USPL1: variants seen among roughly 807,000 people sequenced by gnomAD.
USPL1 encodes ubiquitin specific peptidase like 1.
USPL1 carries 27 observed loss-of-function variants against 51.5 expected under a neutral mutation model. The ratio of observed to expected loss-of-function variants is 0.52; its 90% CI spans 0.39 to 0.72. The LOEUF is 0.72. Among genes scored for constraint, USPL1 ranks in the 30% least tolerant of loss-of-function variants. USPL1 has a pLI of 0.00. For missense variants in USPL1, 1,226 were observed against 1,268.0 expected (o/e 0.97, Z 0.50); for synonymous variants, 451 against 459.6 (o/e 0.98, Z 0.24).
intron 4 of USPL1, among the ~76,000 whole-genome samples, chr13:30,634,687 C>T (rs1030865465): frequency 2.6e-5 from 4 of 152,134 alleles, no homozygotes; most frequent in African/African-American, 9.7e-5. Flanking sequence ...TCTCCTGGGG[C>T]ACAGTATGAG....
chr13:30,627,232 A>G (rs1210114694), intron 3 of USPL1, among the ~76,000 whole-genome samples: 1 of 152,204 alleles, frequency 6.6e-6, no homozygotes, highest in Non-Finnish European at 1.5e-5. Flanking sequence ...TAGTTATAAA[A>G]ATGATACATG....
At position 30,647,176 on chromosome 13, in the gene USPL1, A is replaced by G; in HGVS notation, c.1238+119A>G. 4 of 1,194,124 alleles carry G rather than the reference A, an allele frequency of 3.3e-6. No homozygotes were observed. In the South Asian group the frequency reaches 4.4e-5, roughly 13 times the overall value. The allele number at this position is 1,194,124 out of a possible 1,614,324, so 74.0% of individuals were successfully genotyped here. A position where few individuals can be genotyped will look rare whatever the true frequency, so the allele number is the denominator to read the frequency against. ...ACCTTTCTGAAATTTGAGTTAACAT[A>G]TATTTCTGGGTTGCCAGCTGCCTCG... is the stretch of plus-strand genomic sequence containing the variant. On this transcript the variant is annotated intron_variant, in intron 7 of 8. Transcript: ENST00000255304.
chr13:30,621,189 G>A lies in USPL1; in HGVS notation c.49G>A (p.Gly17Arg). The A allele has an allele frequency of 6.2e-7, 1 of 1,608,438 alleles. No individual in the cohort carries two copies. Among genetic ancestry groups the A allele is most frequent in the Non-Finnish European group, 8.5e-7 (1 of 1,178,128 alleles). Residue 17 changes from glycine (G) to arginine (R), a missense_variant, in exon 2 of 9, where the codon GGG becomes AGG. Physicochemically the swap from Gly to Arg is moderately radical, Grantham distance 125 (BLOSUM62 -2). Coordinates refer to ENST00000255304, the MANE Select transcript of USPL1 (RefSeq NM_005800.5). ...IGNGLPVIGPGTDIGISSLHM... is the reference protein window; with the variant it reads ...IGNGLPVIGPRTDIGISSLHM... ...AAATGGTTTGCCAGTGATTGGACCAGGGACTGATATAGGGATATCTTCACT... is the reference window on the plus strand; with the variant it reads ...AAATGGTTTGCCAGTGATTGGACCAAGGACTGATATAGGGATATCTTCACT...
chr13:30,618,481 G>A (rs562457530), intron 1 of USPL1, among the ~76,000 whole-genome samples: 1 of 151,678 alleles, frequency 6.6e-6, no homozygotes, highest in South Asian at 2.1e-4. Context: ...GACAGTTCAC[G>A]TGCCGAGCCT....
At position 30,657,507 on chromosome 13, in the gene USPL1, C is replaced by A. The variant is rs1262274198; in HGVS notation, c.1430C>A (p.Pro477Gln). Residue 477 changes from proline (P) to glutamine (Q), a missense_variant, in exon 9 of 9, where the codon CCA (proline) becomes CAA (glutamine). Transcript: ENST00000255304. ...SWLECDDLKGPCSERHKKFEV... is the reference protein window; with the variant it reads ...SWLECDDLKGQCSERHKKFEV... ...CTGGAATGTGATGACTTAAAAGGCC[C>A]ATGTTCTGAAAGGCACAAGAAATTT... The A allele has an allele frequency of 1.2e-6, 2 of 1,608,698 alleles. No homozygotes were observed. Among genetic ancestry groups the A allele is most frequent in the Non-Finnish European group, 1.7e-6 (2 of 1,178,066 alleles).
rs1950963184 is a variant in USPL1, at chr13:30,642,660, C to T, written c.1015C>T (p.Leu339=). Residue 339 remains leucine, a synonymous_variant, in exon 6 of 9, where the codon CTG becomes TTG. Transcript: ENST00000255304. Reference sequence around the variant, plus strand: ...GGAAAGCCCTGTGTTTGCATTTCCCCTGCTCTTAAAACTAGAAACCCACAT... The same window carrying T: ...GGAAAGCCCTGTGTTTGCATTTCCCTTGCTCTTAAAACTAGAAACCCACAT... ...DMESPVFAFP[L]LLKLETHIEK... 1 of 1,613,716 alleles carries T rather than the reference C, an allele frequency of 6.2e-7. No homozygotes were observed. Among genetic ancestry groups the T allele is most frequent in the African/African-American group, 1.3e-5 (1 of 74,912 alleles).
intron 3 of USPL1, among the ~76,000 whole-genome samples, chr13:30,627,423 T>C (rs1482242613): frequency 6.6e-6 from 1 of 152,036 alleles, no homozygotes; most frequent in East Asian, 1.9e-4. Context: ...GAGCACAGAT[T>C]ATATAGAGAA....
At chr13:30,656,045 A>T (rs1335507895) in intron 8 of USPL1, among the ~76,000 whole-genome samples, 1 of 152,214 alleles carries the variant, frequency 6.6e-6, no homozygotes, top group East Asian at 1.9e-4. Flanking sequence ...TTGATTATTT[A>T]TTAAGAAAGG....
At chr13:30,632,987 A>G (rs1950827916) in intron 4 of USPL1, among the ~76,000 whole-genome samples, 1 of 65,860 alleles carries the variant, frequency 1.5e-5, no homozygotes, top group Non-Finnish European at 2.9e-5. Context: ...GTTTCCTCCC[A>G]TCCCATTCTC....
At chr13:30,619,256 A>AT (rs993728292) in intron 1 of USPL1, among the ~76,000 whole-genome samples, 1 of 151,960 alleles carries the variant, frequency 6.6e-6, no homozygotes, top group Admixed American at 6.6e-5. Context: ...CACCTCTGGT[A>AT]TTTTTTTTAT....
chr13:30,653,344 A>G (rs1951116679), intron 8 of USPL1, 39 bp downstream of exon 8: 1 of 1,511,160 alleles, frequency 6.6e-7, no homozygotes, highest in African/African-American at 1.4e-5. Flanking sequence ...TAATTGGCAT[A>G]GAAACTAAAT....
At chr13:30,624,308 TA>T (rs887713900) in intron 3 of USPL1, among the ~76,000 whole-genome samples, 1 of 151,720 alleles carries the variant, frequency 6.6e-6, no homozygotes, top group African/African-American at 2.4e-5. Context: ...TCACTTGTGT[TA>T]AAAAAGAAAA....
At chr13:30,628,043 ATTTTTTTTTT>A (rs202119827) in intron 3 of USPL1, among the ~76,000 whole-genome samples, 67 of 127,004 alleles carry the variant, frequency 5.3e-4, no homozygotes, top group Non-Finnish European at 6.3e-4. Context: ...TGCCTGGCTA[ATTTTTTTTTT>A]TTTTTTTTTT....
At chr13:30,625,752 G>A (rs1950707204) in intron 3 of USPL1, among the ~76,000 whole-genome samples, 1 of 151,754 alleles carries the variant, frequency 6.6e-6, no homozygotes, top group Non-Finnish European at 1.5e-5. Context: ...CCGGAGTTTT[G>A]GTTTTTGAAG....
intron 6 of USPL1, among the ~76,000 whole-genome samples, chr13:30,645,005 C>T (rs1245889315): frequency 6.6e-6 from 1 of 152,022 alleles, no homozygotes; most frequent in Non-Finnish European, 1.5e-5. Flanking sequence ...GAGGAAGATC[C>T]TAGTGTCCTC....
chr13:30,628,496 GTC>G (rs1426783940), intron 3 of USPL1, among the ~76,000 whole-genome samples: 1 of 152,154 alleles, frequency 6.6e-6, no homozygotes, highest in Non-Finnish European at 1.5e-5. Flanking sequence ...CTGTCAGCCT[GTC>G]ATCTACGTTA....
chr13:30,633,740 C>T (rs1950837587), intron 4 of USPL1, among the ~76,000 whole-genome samples: 1 of 144,818 alleles, frequency 6.9e-6, no homozygotes, highest in Non-Finnish European at 1.5e-5. Context: ...GGGATCACGC[C>T]ACTGCACTCC....
intron 3 of USPL1, among the ~76,000 whole-genome samples, chr13:30,625,915 G>T (rs1365038665): frequency 6.6e-6 from 1 of 152,054 alleles, no homozygotes; most frequent in Non-Finnish European, 1.5e-5. Flanking sequence ...AAGTAGATTG[G>T]TTTACACCAG....
chr13:30,644,744 TC>T (rs1207213353), intron 6 of USPL1, among the ~76,000 whole-genome samples: 4 of 152,064 alleles, frequency 2.6e-5, no homozygotes, highest in Non-Finnish European at 5.9e-5. Context: ...CCACGTCCCC[TC>T]TCCAAAGGGC....
Sources: gnomAD v4.1 joint callset for allele counts (sites outside exome capture counted in the v4.1 genomes callset) on GRCh38, gnomAD v4.1.1 for gene constraint, MANE v1.5 for transcripts, NCBI Gene and HGNC (gene_info 2026-07-23, HGNC 2026-07-21) for gene names.